OR51B5: variants seen among roughly 807,000 people sequenced by gnomAD.
OR51B5 encodes olfactory receptor family 51 subfamily B member 5, also known as olfactory receptor 51B5.
For synonymous variants in OR51B5, 186 were observed against 144.8 expected (o/e 1.28, Z -2.04); for missense variants, 456 against 374.6 (o/e 1.22, Z -1.79).
intron 1 of OR51B5, among the ~76,000 whole-genome samples, chr11:5,365,559 T>C (rs1849351396): frequency 6.6e-6 from 1 of 152,198 alleles, no homozygotes; most frequent in East Asian, 1.9e-4. Context: ...CAAAGCATAT[T>C]GATACACAAA....
Position 5,351,054 on chromosome 11 carries a change from T to A in OR51B5, n.85-4144A>T, listed in dbSNP as rs535352189. ...GTGCTTAGAACCATTTTTCTACTGA[T>A]CTTTTAGGTCTCACATAGCCTGGGA... On this transcript the variant is annotated intron_variant and non_coding_transcript_variant, in intron 1 of 4. Coordinates refer to the OR51B5 transcript ENST00000415970. Among the ~76,000 whole-genome samples, 294 of 152,338 alleles carry A rather than the reference T, an allele frequency of 1.9e-3. 1 individual carries two copies. The highest frequency in any genetic ancestry group is 6.7e-3 in the African/African-American group (277 of 41,578).
At chr11:5,437,527 C>T (rs1297716782) in intron 1 of OR51B5, among the ~76,000 whole-genome samples, 1 of 152,244 alleles carries the variant, frequency 6.6e-6, no homozygotes, top group East Asian at 1.9e-4. Context: ...TTCCAGGATA[C>T]TGAAGGACCA....
At chr11:5,407,693 A>G (rs1306365009) in intron 1 of OR51B5, among the ~76,000 whole-genome samples, 1 of 141,596 alleles carries the variant, frequency 7.1e-6, no homozygotes, top group African/African-American at 2.6e-5. Context: ...TTTTTTTATT[A>G]TTTCCCCTGT....
Position 5,483,542 on chromosome 11 carries a change from A to T in OR51B5, n.84+22027T>A, listed in dbSNP as rs569509052. 2.2e-5 allele frequency among the ~76,000 whole-genome samples: 3 copies of T among 138,720 alleles called. No homozygotes were observed. In the East Asian group the frequency reaches 7.2e-4, roughly 33 times the overall value. The allele number at this position is 138,720 out of a possible 152,430, so 91.0% of individuals were successfully genotyped here. On this transcript the variant is annotated intron_variant and non_coding_transcript_variant, in intron 1 of 4. Coordinates refer to the OR51B5 transcript ENST00000415970. The stretch of plus-strand genomic sequence containing the variant: ...AAGAAAAGAAAAGAAAAGAAAGAGT[A>T]GAAAGTACAGCTAAAAAAAAAAAGA...
chr11:5,400,813 G>T (rs898476124), intron 1 of OR51B5, among the ~76,000 whole-genome samples: 1 of 152,192 alleles, frequency 6.6e-6, no homozygotes, highest in African/African-American at 2.4e-5. Flanking sequence ...TGTGCTCACT[G>T]GTTATAGATC....
intron 1 of OR51B5, chr11:5,422,102 G>T (rs1226584797): frequency 2.1e-6 from 2 of 935,928 alleles, no homozygotes; most frequent in Non-Finnish European, 3.2e-6. Context: ...ACATTTATTT[G>T]TGTAGAATTT....
chr11:5,455,061 C>T (rs1474536452), intron 1 of OR51B5: 1 of 152,236 alleles, frequency 6.6e-6, no homozygotes, highest in Non-Finnish European at 1.5e-5. Context: ...ACTATTAGAA[C>T]TCACCATAAA....
At chr11:5,492,969 G>C (rs1417473264) in intron 1 of OR51B5, among the ~76,000 whole-genome samples, 1 of 152,116 alleles carries the variant, frequency 6.6e-6, no homozygotes, top group Non-Finnish European at 1.5e-5. Flanking sequence ...AACAGCAACA[G>C]AAACAAAATT....
intron 1 of OR51B5, among the ~76,000 whole-genome samples, chr11:5,470,350 C>A (rs942927551): frequency 6.6e-6 from 1 of 152,192 alleles, no homozygotes; most frequent in Non-Finnish European, 1.5e-5. Context: ...AGAAAACAAA[C>A]AATCACAAAC....
chr11:5,374,556 C>G (rs1336944424), intron 1 of OR51B5, among the ~76,000 whole-genome samples: 1 of 151,988 alleles, frequency 6.6e-6, no homozygotes, highest in Admixed American at 6.6e-5. Context: ...GAAATTCAAA[C>G]CAAAGGCAAA....
chr11:5,440,586 T>A, intron 1 of OR51B5: 1 of 1,612,874 alleles, frequency 6.2e-7, no homozygotes, highest in Non-Finnish European at 8.5e-7. Flanking sequence ...CTGGGATTTA[T>A]GGAAGAACTT....
chr11:5,441,451 TC>T (rs761899311), intron 1 of OR51B5: 1 of 1,613,774 alleles, frequency 6.2e-7, no homozygotes, highest in Non-Finnish European at 8.5e-7. Context: ...CCTGTTTGTA[TC>T]CCAGGAATGC....
At chr11:5,420,708 T>G (rs561913896) in intron 1 of OR51B5, among the ~76,000 whole-genome samples, 157 of 152,272 alleles carry the variant, frequency 1.0e-3, no homozygotes, top group African/African-American at 3.6e-3. Context: ...TATTTTATTT[T>G]TTGTCACTGA....
At chr11:5,348,552 T>C (rs1398256344) in intron 1 of OR51B5, among the ~76,000 whole-genome samples, 3 of 152,152 alleles carry the variant, frequency 2.0e-5, no homozygotes, top group Non-Finnish European at 4.4e-5. Flanking sequence ...TGGACGGAGC[T>C]TGGGTTATGT....
chr11:5,412,835 GCCTCTGTAGGCTCCA>G (rs540102392), intron 1 of OR51B5, among the ~76,000 whole-genome samples: 2,960 of 152,054 alleles, frequency 0.019, 96 homozygotes, highest in African/African-American at 0.068. Context: ...AGGCCTGCCT[GCCTCTGTAGGCTCCA>G]CCTCTGGGGG....
intron 1 of OR51B5, among the ~76,000 whole-genome samples, chr11:5,472,561 T>TC (rs1373143409): frequency 6.6e-6 from 1 of 152,174 alleles, no homozygotes; most frequent in African/African-American, 2.4e-5. Context: ...GTCCAAGGGC[T>TC]CCAAGAGGTA....
chr11:5,423,009 C>T, intron 1 of OR51B5: 9 of 1,614,130 alleles, frequency 5.6e-6, no homozygotes, highest in Non-Finnish European at 7.6e-6. Flanking sequence ...GCCAAGCATG[C>T]CTCTCCACTG....
At chr11:5,411,497 A>G (rs1484905180) in intron 1 of OR51B5, among the ~76,000 whole-genome samples, 1 of 152,218 alleles carries the variant, frequency 6.6e-6, no homozygotes, top group Non-Finnish European at 1.5e-5. Flanking sequence ...TTCTAATAAT[A>G]CATTAATGAA....
intron 1 of OR51B5, among the ~76,000 whole-genome samples, chr11:5,482,237 C>G (rs200896823): frequency 1.1e-3 from 99 of 88,850 alleles, no homozygotes; most frequent in Middle Eastern, 5.0e-3. Context: ...ACAAACCTGA[C>G]AAAAACAAGC....
Sources: allele counts gnomAD v4.1 joint callset (sites outside exome capture counted in the v4.1 genomes callset), GRCh38; gene constraint gnomAD v4.1.1; transcripts MANE v1.5; gene names NCBI Gene and HGNC (gene_info 2026-07-23, HGNC 2026-07-21).